LMBRD2: variants seen among roughly 807,000 people sequenced by gnomAD.
LMBRD2 encodes the protein LMBR1 domain containing 2, also known as G protein-coupled receptor-associated protein LMBRD2.
In LMBRD2, 55 loss-of-function variants were observed where a neutral mutation model predicts 94.4. The observed-to-expected ratio is 0.58, with a 90% CI of 0.47 to 0.73. The LOEUF (loss-of-function observed/expected upper bound fraction) is 0.73, where lower values mean the gene tolerates loss of function less well. LMBRD2 is among the 30% of genes least tolerant of loss of function. The pLI is 0.00. For synonymous variants in LMBRD2, 246 were observed against 272.4 expected (o/e 0.90, Z 0.95); for missense variants, 640 against 831.9 (o/e 0.77, Z 2.84).
intron 9 of LMBRD2, among the ~76,000 whole-genome samples, chr5:36,121,879 T>C (rs1010475966): frequency 6.6e-6 from 1 of 152,194 alleles, no homozygotes; most frequent in African/African-American, 2.4e-5. Flanking sequence ...TAATAAGCCA[T>C]ACCATATTGC....
intron 3 of LMBRD2, 107 bp from the exon 4 acceptor site, chr5:36,141,309 C>T (rs1744404696): frequency 3.2e-6 from 2 of 618,748 alleles, no homozygotes; most frequent in Non-Finnish European, 5.6e-6. Context: ...TTTTAAATTA[C>T]TGACTCTAAT....
intron 1 of LMBRD2, chr5:36,147,793 TGAGAGA>T: frequency 6.3e-6 from 2 of 319,344 alleles, no homozygotes; most frequent in South Asian, 2.3e-5. Context: ...CCAAATGTTT[TGAGAGA>T]GAGAGAGAGA....
At chr5:36,149,810 G>A (rs1744645815) in intron 1 of LMBRD2, among the ~76,000 whole-genome samples, 1 of 152,238 alleles carries the variant, frequency 6.6e-6, no homozygotes, top group Non-Finnish European at 1.5e-5. Flanking sequence ...GGAAGGCTGA[G>A]GCAGGGGAAT....
chr5:36,107,810 T>C (rs542622574), intron 16 of LMBRD2, among the ~76,000 whole-genome samples: 39 of 152,290 alleles, frequency 2.6e-4, no homozygotes, highest in African/African-American at 8.7e-4. Flanking sequence ...GCAAAACTTG[T>C]AGCTGAGTGG....
chr5:36,145,746 A>G (rs1361591207), intron 1 of LMBRD2, among the ~76,000 whole-genome samples: 2 of 152,244 alleles, frequency 1.3e-5, no homozygotes, highest in Non-Finnish European at 2.9e-5. Flanking sequence ...TACAAAAAAA[A>G]GACTAAATAT....
rs1309905075 is a variant in LMBRD2 at position 36,098,510 on chromosome 5, T to G, written c.*5536A>C. On this transcript the variant is annotated 3_prime_UTR_variant, in exon 18 of 18. Coordinates refer to ENST00000296603, the MANE Select transcript of LMBRD2 (RefSeq NM_001007527.2). ...CGCCTGAATCTACTTAAAAGAACCT[T>G]AATCTCAAATGAAGTAAAATATATA... is the stretch of plus-strand genomic sequence containing the variant. 1 of 152,082 alleles carries G rather than the reference T, an allele frequency of 6.6e-6. No individual in the cohort carries two copies. The highest frequency in any genetic ancestry group is 2.4e-5 in the African/African-American group (1 of 41,452). 9.4% of individuals were successfully genotyped at this position (152,082 alleles called of 1,614,324 possible).
Position 36,100,564 on chromosome 5 carries a change from A to G in LMBRD2, c.*3482T>C, listed in dbSNP as rs1042974735. 2 of 152,262 alleles carry G rather than the reference A, an allele frequency of 1.3e-5. No individual in the cohort carries two copies. Among genetic ancestry groups the G allele is most frequent in the East Asian group, 1.9e-4 (1 of 5,184 alleles). The allele number at this position is 152,262 out of a possible 1,614,324, so 9.4% of individuals were successfully genotyped here. ...AAGGTATAAAGGAATGAGAGAGGAC[A>G]TAAGAAAAGAAAGACAAAACCCTAA... On this transcript the variant is annotated 3_prime_UTR_variant, in exon 18 of 18. Transcript: ENST00000296603.
At position 36,114,509 on chromosome 5, in the gene LMBRD2, T is replaced by C. The variant is rs1743692264; in HGVS notation, c.1555A>G (p.Met519Val). 2 of 1,553,588 alleles carry C rather than the reference T, an allele frequency of 1.3e-6. No individual in the cohort carries two copies. The highest frequency in any genetic ancestry group is 2.5e-5 in the East Asian group (1 of 40,284). ...TCTGCAATAAAGGATAAAACTTTCA[T>C]GGAACCCATAATCTGAAGAGCAAGA... Reference protein sequence around the residue: ...PTAYTSIMGSMKVLSFIADGF... With the variant: ...PTAYTSIMGSVKVLSFIADGF... The change falls in exon 13 of 18, where the codon ATG (methionine) becomes GTG (valine). Residue 519 changes from methionine to valine, a missense_variant. Transcript: ENST00000296603.
chr5:36,136,611 T>C, intron 5 of LMBRD2, 92 bp from the exon 6 acceptor site: 4 of 998,546 alleles, frequency 4.0e-6, no homozygotes, highest in Non-Finnish European at 4.6e-6. Context: ...AGACACTGTT[T>C]CTACTGCAGT....
intron 6 of LMBRD2, among the ~76,000 whole-genome samples, chr5:36,126,823 G>T (rs1405648787): frequency 6.6e-6 from 1 of 152,206 alleles, no homozygotes; most frequent in African/African-American, 2.4e-5. Context: ...TAAAGTGATT[G>T]AAGTTTGTTA....
At chr5:36,142,888 C>G (rs1180489381) in intron 2 of LMBRD2, 1 of 377,860 alleles carries the variant, frequency 2.6e-6, no homozygotes, top group African/African-American at 2.1e-5. Flanking sequence ...CCACGTCCGG[C>G]TATTTTTTTT....
At chr5:36,120,162 G>T (rs541431615) in intron 9 of LMBRD2, among the ~76,000 whole-genome samples, 3 of 151,182 alleles carry the variant, frequency 2.0e-5, no homozygotes, top group African/African-American at 7.3e-5. Flanking sequence ...GGGTTCAAGC[G>T]ATTCTCCTGC....
chr5:36,121,861 C>T (rs1743893986), intron 9 of LMBRD2, among the ~76,000 whole-genome samples: 1 of 152,124 alleles, frequency 6.6e-6, no homozygotes, highest in South Asian at 2.1e-4. Flanking sequence ...AGGTTTGTAG[C>T]CTAGGAGTAA....
chr5:36,151,117 T>C lies in LMBRD2; in HGVS notation c.-58+439A>G. 6.6e-6 allele frequency among the ~76,000 whole-genome samples: 1 copy of C among 152,230 alleles called. No homozygotes were observed. The highest frequency in any genetic ancestry group is 1.9e-4 in the East Asian group (1 of 5,198). On this transcript the variant is annotated intron_variant, in intron 1 of 17. Transcript: ENST00000296603. The surrounding 1 kb of genome is among the most constrained non-coding windows in gnomAD (Gnocchi z 4.7). ...AATATGTCACGCTCCCTACTCTTAC[T>C]GCCCCCAAACTCTTCTCAGCAGAGA...
intron 6 of LMBRD2, among the ~76,000 whole-genome samples, chr5:36,129,736 G>A (rs1312215269): frequency 1.3e-5 from 2 of 152,156 alleles, no homozygotes; most frequent in Non-Finnish European, 2.9e-5. Context: ...TATGACTGCG[G>A]TGTGAAAACT....
At chr5:36,145,068 C>T (rs1171164706) in intron 1 of LMBRD2, among the ~76,000 whole-genome samples, 2 of 152,304 alleles carry the variant, frequency 1.3e-5, no homozygotes, top group East Asian at 1.9e-4. Context: ...CACCTCTCCC[C>T]TTACCCCAGA....
At chr5:36,106,166 G>A (rs1189564129) in intron 16 of LMBRD2, among the ~76,000 whole-genome samples, 1 of 152,006 alleles carries the variant, frequency 6.6e-6, no homozygotes, top group Admixed American at 6.6e-5. Context: ...TTTCTATTCT[G>A]TAAACTTCTT....
Position 36,146,953 on chromosome 5 carries a change from T to A in LMBRD2, c.-57-3547A>T, listed in dbSNP as rs249252. Among the ~76,000 whole-genome samples, 289 of 151,606 alleles carry A rather than the reference T, an allele frequency of 1.9e-3. 1 individual carries two copies. The highest frequency in any genetic ancestry group is 5.4e-3 in the African/African-American group (222 of 41,306). Reference sequence around the variant, plus strand: ...GTGTGTGTGTGTGAGTGTGTGTGTGTGTGTGTGTGTGTGTGTGTGTGTGTG... The same window carrying A: ...GTGTGTGTGTGTGAGTGTGTGTGTGAGTGTGTGTGTGTGTGTGTGTGTGTG... On this transcript the variant is annotated intron_variant, in intron 1 of 17. Coordinates refer to ENST00000296603, the MANE Select transcript of LMBRD2 (RefSeq NM_001007527.2).
chr5:36,136,415 C>G lies in LMBRD2; in HGVS notation c.641G>C (p.Trp214Ser), dbSNP rs1296560977. ...YGLVEIPRSY[W>S]NGAKRGYLLM... ...TAGATAACCCCTTTTTGCTCCATTC[C>G]AGTATGATCGAGGAATTTCCACCAA... Residue 214 changes from tryptophan to serine, a missense_variant, in exon 6 of 18, where the codon TGG (tryptophan) becomes TCG (serine). Transcript: ENST00000296603. 2.5e-6 allele frequency: 4 copies of G among 1,613,806 alleles called. No individual in the cohort carries two copies. In the South Asian group the frequency reaches 3.3e-5, roughly 13 times the overall value.
Sources: allele counts gnomAD v4.1 joint callset (sites outside exome capture counted in the v4.1 genomes callset), GRCh38; gene constraint gnomAD v4.1.1; non-coding constraint Gnocchi (gnomAD v3.1); transcripts MANE v1.5; gene names NCBI Gene and HGNC (gene_info 2026-07-23, HGNC 2026-07-21).